PLOD2: variants seen among roughly 807,000 people sequenced by gnomAD.
PLOD2 encodes lysine hydroxylase 2.
A neutral mutation model predicts 101.0 loss-of-function variants in PLOD2; 65 were observed. The observed-to-expected ratio is 0.64, with a 90% confidence interval of 0.53 to 0.79. PLOD2 has a LOEUF of 0.79. Ranked by LOEUF, PLOD2 falls within the 30% of genes least tolerant of loss-of-function variation. The probability of loss-of-function intolerance (pLI) is 0.00; values close to 1 mark genes in which losing one functional copy is unlikely to be tolerated. For missense variants in PLOD2, 909 were observed against 914.6 expected, an observed-to-expected ratio of 0.99 and a Z score of 0.08; for synonymous variants, 314 against 302.9, an observed-to-expected ratio of 1.04 and a Z score of -0.38.
chr3:146,074,506 G>T (rs938470894), intron 15 of PLOD2, among the ~76,000 whole-genome samples: 7 of 151,230 alleles, frequency 4.6e-5, no homozygotes, highest in African/African-American at 1.7e-4. Flanking sequence ...GGAAACAAAG[G>T]TATCTTCAAA....
At position 146,161,022 on chromosome 3, in the gene PLOD2, GC is replaced by G; in HGVS notation, c.-34del. The G allele has an allele frequency of 7.2e-7, 1 of 1,382,270 alleles. No homozygotes were observed. The highest frequency in any genetic ancestry group is 1.4e-5 in the African/African-American group (1 of 69,792). The allele number at this position is 1,382,270 out of a possible 1,614,324, so 85.6% of individuals were successfully genotyped here. A position where few individuals can be genotyped will look rare whatever the true frequency, so the allele number is the denominator to read the frequency against. ...CCTCGAGGGCCGCGCGGGCTCAGGC[GC>G]CCACGGCCCCGCAGCGCCGCGCTTC... On this transcript the variant is annotated 5_prime_UTR_variant, in exon 1 of 20. Transcript: ENST00000282903.
intron 3 of PLOD2, among the ~76,000 whole-genome samples, chr3:146,115,049 G>T (rs998939277): frequency 3.9e-5 from 6 of 152,096 alleles, no homozygotes; most frequent in Admixed American, 6.6e-5. Flanking sequence ...TTGCGGCTTG[G>T]GGGGCAGCAC....
chr3:146,124,677 A>G (rs1216124554), intron 1 of PLOD2, among the ~76,000 whole-genome samples: 1 of 152,046 alleles, frequency 6.6e-6, no homozygotes, highest in African/African-American at 2.4e-5. Flanking sequence ...AAAAACAGAT[A>G]CAATCATTAA....
At chr3:146,087,057 G>A (rs985818873) in intron 9 of PLOD2, 149 bp from the exon 10 acceptor site, 15 of 437,590 alleles carry the variant, frequency 3.4e-5, no homozygotes, top group Non-Finnish European at 6.0e-5. Flanking sequence ...ATTAAACACG[G>A]TATATTTAAA....
intron 1 of PLOD2, among the ~76,000 whole-genome samples, chr3:146,143,354 A>G (rs1186705794): frequency 2.6e-5 from 4 of 152,108 alleles, no homozygotes; most frequent in African/African-American, 9.7e-5. Flanking sequence ...AGACTTAAAC[A>G]AATTAAAACT....
At chr3:146,094,491 C>A (rs1471943906) in intron 7 of PLOD2, among the ~76,000 whole-genome samples, 2 of 151,988 alleles carry the variant, frequency 1.3e-5, no homozygotes, top group African/African-American at 4.8e-5. Flanking sequence ...ACAACTGCTA[C>A]AAAGAAAATA....
intron 9 of PLOD2, among the ~76,000 whole-genome samples, chr3:146,087,229 T>C (rs1387442843): frequency 6.6e-6 from 1 of 151,918 alleles, no homozygotes; most frequent in Non-Finnish European, 1.5e-5. Context: ...TCCTTAGTAA[T>C]ATAAAATGTT....
Position 146,091,893 on chromosome 3 carries a change from C to T in PLOD2, c.786G>A (p.Leu262=), listed in dbSNP as rs1002992721. 3.8e-6 allele frequency: 6 copies of T among 1,559,564 alleles called. 1 individual carries two copies. In the Admixed American group the frequency reaches 8.4e-5, roughly 22 times the overall value. The change falls in exon 8 of 20, where the codon CTG becomes CTA. Residue 262 remains leucine (L), a synonymous_variant. Coordinates refer to ENST00000282903, the MANE Select transcript of PLOD2 (RefSeq NM_182943.3). The part of the protein sequence containing the change: ...INGNGPTKIL[L]NYFGNYVPNS... ...TGGGTACATAGTTTCCAAAATAATT[C>T]AGGAGAATCTTGTAAATGAAGGAAA...
chr3:146,119,593 T>G (rs1938090651), intron 3 of PLOD2, among the ~76,000 whole-genome samples: 1 of 151,770 alleles, frequency 6.6e-6, no homozygotes. Flanking sequence ...CCCTCCCCCA[T>G]TCCCCCACTC....
At position 146,140,092 on chromosome 3, in the gene PLOD2, C is replaced by A. The variant is rs570272542; in HGVS notation, c.110-15863G>T. On this transcript the variant is annotated intron_variant, in intron 1 of 19. Coordinates refer to ENST00000282903, the MANE Select transcript of PLOD2 (RefSeq NM_182943.3). ...CTTTTGAACGCAATTTAAATTTTCTCAGCAGTATAAATCCATACAGGGTCA... is the reference window on the plus strand; with the variant it reads ...CTTTTGAACGCAATTTAAATTTTCTAAGCAGTATAAATCCATACAGGGTCA... Among the ~76,000 whole-genome samples, 11 of 152,190 alleles carry A rather than the reference C, an allele frequency of 7.2e-5. No individual in the cohort carries two copies. In the East Asian group the frequency reaches 2.1e-3, roughly 29 times the overall value.
At chr3:146,095,646 T>C (rs182090621) in intron 7 of PLOD2, among the ~76,000 whole-genome samples, 2 of 152,218 alleles carry the variant, frequency 1.3e-5, no homozygotes, top group East Asian at 3.9e-4. Context: ...GAAGAGAGTG[T>C]AGTGATTCCT....
chr3:146,079,778 T>C (rs1342196053), intron 12 of PLOD2, among the ~76,000 whole-genome samples: 2 of 152,060 alleles, frequency 1.3e-5, no homozygotes, highest in South Asian at 4.1e-4. Flanking sequence ...CAGGGAATCC[T>C]CCACCTCCAA....
chr3:146,074,640 A>G (rs1434084657), intron 15 of PLOD2, among the ~76,000 whole-genome samples: 1 of 151,396 alleles, frequency 6.6e-6, no homozygotes, highest in Non-Finnish European at 1.5e-5. Flanking sequence ...ATAATCATCC[A>G]TAAGATTTAA....
In PLOD2 at chr3:146,072,565, T is replaced by A. The variant is rs774262250; in HGVS notation, c.1844A>T (p.His615Leu). The A allele has an allele frequency of 6.3e-7, 1 of 1,588,834 alleles. No individual in the cohort carries two copies. Among genetic ancestry groups the A allele is most frequent in the Non-Finnish European group, 8.6e-7 (1 of 1,157,740 alleles). ...EHYGKWSGGK[H>L]HDSRISGGYE... ...TAGTGTGAAATTACAACTTACATGA[T>A]GTTTTCCCCCAGACCATTTGCCGTA... is the stretch of plus-strand genomic sequence containing the variant. The change falls in exon 17 of 20, where the codon CAT (histidine) becomes CTT (leucine). Residue 615 changes from histidine (H) to leucine (L), a missense_variant. By Grantham distance (99) the His-to-Leu change is moderately conservative. Transcript: ENST00000282903.
chr3:146,115,931 T>TA (rs1382484508), intron 3 of PLOD2, among the ~76,000 whole-genome samples: 1 of 152,116 alleles, frequency 6.6e-6, no homozygotes, highest in Non-Finnish European at 1.5e-5. Context: ...CAGGCAGTGG[T>TA]ACAAGCCACA....
intron 15 of PLOD2, chr3:146,076,185 T>G (rs1936329506): frequency 6.6e-6 from 1 of 151,810 alleles, no homozygotes; most frequent in South Asian, 2.1e-4. Flanking sequence ...CACTCATAAG[T>G]GAGAACATGC....
chr3:146,117,341 A>C (rs776788669), intron 3 of PLOD2, among the ~76,000 whole-genome samples: 2 of 152,130 alleles, frequency 1.3e-5, no homozygotes, highest in African/African-American at 2.4e-5. Context: ...CTTAATTAAG[A>C]GTTTAGGAAT....
intron 4 of PLOD2, among the ~76,000 whole-genome samples, chr3:146,107,659 C>T (rs564328262): frequency 2.4e-4 from 25 of 105,186 alleles, no homozygotes; most frequent in Non-Finnish European, 3.9e-4. Flanking sequence ...TTTTTGGAGA[C>T]AGAGTCTCGC....
chr3:146,144,187 A>G (rs990645219), intron 1 of PLOD2, among the ~76,000 whole-genome samples: 3 of 152,208 alleles, frequency 2.0e-5, no homozygotes, highest in Admixed American at 6.5e-5. Context: ...TACCTTCCCA[A>G]TACATTTGTT....
Sources: gnomAD v4.1 joint callset for allele counts (sites outside exome capture counted in the v4.1 genomes callset) on GRCh38, gnomAD v4.1.1 for gene constraint, MANE v1.5 for transcripts, NCBI Gene and HGNC (gene_info 2026-07-23, HGNC 2026-07-21) for gene names.